The following PPM1L variants were observed in gnomAD, a reference collection of about 807,000 sequenced individuals.
PPM1L encodes the protein protein phosphatase, Mg2+/Mn2+ dependent 1L, also known as protein phosphatase 1L.
Under a neutral mutation model 31.4 loss-of-function variants are expected in PPM1L, and 13 were observed. That is an observed-to-expected ratio of 0.41 (90% CI 0.27 to 0.66). The LOEUF (loss-of-function observed/expected upper bound fraction) is 0.66. PPM1L is among the 30% of genes least tolerant of loss of function. The pLI is 0.29. For missense variants in PPM1L, 326 were observed against 453.7 expected, an observed-to-expected ratio of 0.72 and a Z score of 2.56; for synonymous variants, 184 against 175.4, an observed-to-expected ratio of 1.05 and a Z score of -0.39.
At chr3:160,843,930 AC>A (rs1362308274) in intron 1 of PPM1L, among the ~76,000 whole-genome samples, 1 of 152,194 alleles carries the variant, frequency 6.6e-6, no homozygotes, top group Non-Finnish European at 1.5e-5. Context: ...GTACATATAC[AC>A]CATGGAATAC....
chr3:161,003,562 G>A (rs1559920147), intron 2 of PPM1L, among the ~76,000 whole-genome samples: 4 of 151,822 alleles, frequency 2.6e-5, no homozygotes, highest in Admixed American at 1.3e-4. Context: ...CACATCCCTT[G>A]TAAGTTGGAT....
chr3:160,942,557 A>G (rs1379186809), intron 1 of PPM1L, among the ~76,000 whole-genome samples: 1 of 152,222 alleles, frequency 6.6e-6, no homozygotes, highest in Non-Finnish European at 1.5e-5. Context: ...TTTTTCCATG[A>G]CACTGAGTTT....
At chr3:160,866,613 C>T (rs901302424) in intron 1 of PPM1L, among the ~76,000 whole-genome samples, 19 of 152,098 alleles carry the variant, frequency 1.2e-4, no homozygotes, top group African/African-American at 4.1e-4. Context: ...AGCTTAGAAC[C>T]ACTTTAATGG....
chr3:160,836,795 C>A (rs1713729495), intron 1 of PPM1L, among the ~76,000 whole-genome samples: 1 of 152,138 alleles, frequency 6.6e-6, no homozygotes, highest in African/African-American at 2.4e-5. Context: ...TAGTTGGTTT[C>A]CTGTTTTTGA....
At chr3:160,933,748 A>C (rs1169726315) in intron 1 of PPM1L, among the ~76,000 whole-genome samples, 1 of 152,112 alleles carries the variant, frequency 6.6e-6, no homozygotes, top group Non-Finnish European at 1.5e-5. Context: ...CTGGGGTATA[A>C]CCTTTCTTCC....
chr3:160,873,151 G>T (rs1007212870), intron 1 of PPM1L, among the ~76,000 whole-genome samples: 4 of 152,082 alleles, frequency 2.6e-5, no homozygotes, highest in Non-Finnish European at 5.9e-5. Flanking sequence ...ACTGTTACAG[G>T]GTAGCTAACT....
In PPM1L at chr3:160,800,223, C is replaced by T. The variant is rs139079119; in HGVS notation, c.399+43516C>T. On this transcript the variant is annotated intron_variant, in intron 1 of 3. Coordinates refer to ENST00000498165, the MANE Select transcript of PPM1L (RefSeq NM_139245.4). Reference sequence around the variant, plus strand: ...GTTTCATATTAAAACATGATTTCTTCTGAGGCTTTTTTCCTTTAGACAGTT... The same window carrying T: ...GTTTCATATTAAAACATGATTTCTTTTGAGGCTTTTTTCCTTTAGACAGTT... 1.8e-3 allele frequency among the ~76,000 whole-genome samples: 272 copies of T among 152,204 alleles called. 1 individual carries two copies. The highest frequency in any genetic ancestry group is 6.2e-3 in the African/African-American group (259 of 41,544).
chr3:161,046,059 C>T (rs112785830), intron 2 of PPM1L, among the ~76,000 whole-genome samples: 3,158 of 131,606 alleles, frequency 0.024, 73 homozygotes, highest in South Asian at 0.046. Context: ...TGCAGTGAGC[C>T]GAGATCATGC....
intron 1 of PPM1L, among the ~76,000 whole-genome samples, chr3:160,802,581 T>C (rs1712464299): frequency 6.6e-6 from 1 of 152,198 alleles, no homozygotes; most frequent in Admixed American, 6.5e-5. Flanking sequence ...ATTCTTGTGG[T>C]AGGGCAAGTG....
At chr3:160,907,347 T>C (rs1713797730) in intron 1 of PPM1L, among the ~76,000 whole-genome samples, 1 of 152,242 alleles carries the variant, frequency 6.6e-6, no homozygotes, top group African/African-American at 2.4e-5. Flanking sequence ...CTACGTATTT[T>C]CTGTTCATTG....
intron 3 of PPM1L, among the ~76,000 whole-genome samples, chr3:161,067,100 A>G (rs970035952): frequency 1.3e-5 from 2 of 152,186 alleles, no homozygotes; most frequent in Non-Finnish European, 2.9e-5. Flanking sequence ...ATTAAGACAC[A>G]GTTAGCTCAG....
chr3:160,783,299 A>G (rs1010496127), intron 1 of PPM1L, among the ~76,000 whole-genome samples: 1 of 152,168 alleles, frequency 6.6e-6, no homozygotes, highest in Non-Finnish European at 1.5e-5. Flanking sequence ...TGTCCTGTCT[A>G]TAGACATTAA....
chr3:161,035,412 A>T (rs1364108774), intron 2 of PPM1L, among the ~76,000 whole-genome samples: 1 of 152,220 alleles, frequency 6.6e-6, no homozygotes. Flanking sequence ...TAATTTTGAG[A>T]TAAGTAACCA....
intron 2 of PPM1L, among the ~76,000 whole-genome samples, chr3:160,997,655 T>C (rs1199836852): frequency 4.6e-5 from 7 of 152,180 alleles, no homozygotes; most frequent in African/African-American, 1.7e-4. Context: ...TTAGGTAGGA[T>C]AGGCCTAAAT....
At chr3:160,965,009 T>A (rs1395452443) in intron 2 of PPM1L, among the ~76,000 whole-genome samples, 1 of 152,004 alleles carries the variant, frequency 6.6e-6, no homozygotes, top group Admixed American at 6.6e-5. Context: ...CCCAGCACTT[T>A]GGGAGGCCGA....
At chr3:161,040,548 T>C (rs1442559290) in intron 2 of PPM1L, among the ~76,000 whole-genome samples, 2 of 152,228 alleles carry the variant, frequency 1.3e-5, no homozygotes, top group Non-Finnish European at 2.9e-5. Flanking sequence ...GGTTATTTAC[T>C]TTCTGCAGTG....
intron 2 of PPM1L, among the ~76,000 whole-genome samples, chr3:161,062,076 A>C (rs190192941): frequency 6.6e-6 from 1 of 152,046 alleles, no homozygotes; most frequent in Non-Finnish European, 1.5e-5. Context: ...CACTTCTGGG[A>C]AACACATAGG....
intron 2 of PPM1L, among the ~76,000 whole-genome samples, chr3:160,982,025 C>G (rs1716816920): frequency 6.6e-6 from 1 of 152,134 alleles, no homozygotes; most frequent in Non-Finnish European, 1.5e-5. Flanking sequence ...CTTGGCCTCC[C>G]AAAGTGCTGG....
At chr3:161,037,412 C>T (rs1334341752) in intron 2 of PPM1L, among the ~76,000 whole-genome samples, 7 of 99,462 alleles carry the variant, frequency 7.0e-5, no homozygotes, top group South Asian at 3.7e-4. Flanking sequence ...CCTACTTGAG[C>T]TTTTTTTTTT....
Sources: gnomAD v4.1 joint callset for allele counts (sites outside exome capture counted in the v4.1 genomes callset) on GRCh38, gnomAD v4.1.1 for gene constraint, MANE v1.5 for transcripts, NCBI Gene and HGNC (gene_info 2026-07-23, HGNC 2026-07-21) for gene names.